The following ZDHHC14 variants were observed in gnomAD, a reference collection of about 807,000 sequenced individuals.
ZDHHC14 encodes the protein zDHHC palmitoyltransferase 14.
Under a neutral mutation model 47.7 loss-of-function variants are expected in ZDHHC14, and 16 were observed. The ratio of observed to expected loss-of-function variants is 0.34; its 90% CI spans 0.23 to 0.51. The LOEUF (loss-of-function observed/expected upper bound fraction) is 0.51. ZDHHC14 is among the 20% of genes least tolerant of loss of function. The probability of loss-of-function intolerance (pLI) is 0.97; values close to 1 mark genes in which losing one functional copy is unlikely to be tolerated. For missense variants in ZDHHC14, 515 were observed against 662.5 expected, an observed-to-expected ratio of 0.78 and a Z score of 2.44; for synonymous variants, 293 against 278.9, an observed-to-expected ratio of 1.05 and a Z score of -0.50.
chr6:157,648,958 C>T (rs1045822249), intron 7 of ZDHHC14, among the ~76,000 whole-genome samples: 1 of 152,220 alleles, frequency 6.6e-6, no homozygotes, highest in African/African-American at 2.4e-5. Context: ...CCAAATCTCC[C>T]TTCTTGTTCC....
In ZDHHC14 at chr6:157,668,147, C is replaced by A. The variant is rs117852100; in HGVS notation, c.1069-4577C>A. On this transcript the variant is annotated intron_variant, in intron 8 of 8. Coordinates refer to ENST00000359775, the MANE Select transcript of ZDHHC14 (RefSeq NM_024630.3). Reference sequence around the variant, plus strand: ...TACTTAGGTGCCTGATGCCAGTGCCCCTGCCCCCTGCTGTCATCCCAGCAG... The same window carrying A: ...TACTTAGGTGCCTGATGCCAGTGCCACTGCCCCCTGCTGTCATCCCAGCAG... 3.4e-3 allele frequency among the ~76,000 whole-genome samples: 523 copies of A among 152,234 alleles called. 8 individuals are homozygous for A. Among genetic ancestry groups the A allele is most frequent in the East Asian group, 0.032 (167 of 5,176 alleles).
intron 1 of ZDHHC14, among the ~76,000 whole-genome samples, chr6:157,451,176 C>T (rs572757431): frequency 3.2e-4 from 49 of 151,952 alleles, no homozygotes; most frequent in African/African-American, 1.1e-3. Flanking sequence ...TGACCTTCTT[C>T]AGAGCTTACA....
chr6:157,624,257 C>A (rs1460261243), intron 3 of ZDHHC14, among the ~76,000 whole-genome samples: 1 of 152,240 alleles, frequency 6.6e-6, no homozygotes, highest in Non-Finnish European at 1.5e-5. Flanking sequence ...AGCTTCCGCT[C>A]CTCTGAGCGC....
intron 3 of ZDHHC14, among the ~76,000 whole-genome samples, chr6:157,601,499 A>T (rs1046158354): frequency 5.3e-5 from 8 of 152,208 alleles, no homozygotes; most frequent in African/African-American, 1.9e-4. Flanking sequence ...GTTACCTAAT[A>T]AATACATTAA....
chr6:157,460,625 T>G (rs1192507474), intron 1 of ZDHHC14, among the ~76,000 whole-genome samples: 1 of 152,178 alleles, frequency 6.6e-6, no homozygotes, highest in African/African-American at 2.4e-5. Flanking sequence ...ATTTCCCATA[T>G]GCCATGCAGG....
intron 3 of ZDHHC14, among the ~76,000 whole-genome samples, chr6:157,608,634 AGAGT>A (rs1784637606): frequency 6.6e-6 from 1 of 152,210 alleles, no homozygotes; most frequent in Non-Finnish European, 1.5e-5. Flanking sequence ...GACTCAGGTC[AGAGT>A]GAGTCAGTGT....
Position 157,673,131 on chromosome 6 carries a change from GC to G in ZDHHC14, c.*13del. ...AGCTCAGCTCCGTGTGACCCACATG[GC>G]CCCAGGCCGGGGGACACCAGAGGCT... is the stretch of plus-strand genomic sequence containing the variant. On this transcript the variant is annotated 3_prime_UTR_variant, in exon 9 of 9. Transcript: ENST00000359775. The surrounding 1 kb of genome is among the most constrained non-coding windows in gnomAD (Gnocchi z 5.4). The G allele has an allele frequency of 6.4e-7, 1 of 1,563,192 alleles. No individual in the cohort carries two copies. The highest frequency in any genetic ancestry group is 8.6e-7 in the Non-Finnish European group (1 of 1,164,002).
intron 5 of ZDHHC14, among the ~76,000 whole-genome samples, chr6:157,643,382 C>T (rs1031913175): frequency 4.6e-5 from 7 of 151,928 alleles, no homozygotes; most frequent in Non-Finnish European, 5.9e-5. Context: ...AAAAGCTGGC[C>T]GGGCATGGTG....
At chr6:157,542,984 G>A (rs1385317567) in intron 2 of ZDHHC14, among the ~76,000 whole-genome samples, 1 of 152,214 alleles carries the variant, frequency 6.6e-6, no homozygotes, top group Non-Finnish European at 1.5e-5. Context: ...CAAAGCATCA[G>A]TGTGAGCTGT....
At chr6:157,522,946 C>CTTTCTTTCT (rs1781001161) in intron 1 of ZDHHC14, among the ~76,000 whole-genome samples, 5 of 32,310 alleles carry the variant, frequency 1.5e-4, no homozygotes, top group African/African-American at 1.1e-3. Flanking sequence ...TCTTTCTTTC[C>CTTTCTTTCT]TTCCTTCCTT....
intron 1 of ZDHHC14, among the ~76,000 whole-genome samples, chr6:157,531,278 C>T (rs1422440733): frequency 1.4e-5 from 1 of 69,808 alleles, no homozygotes; most frequent in African/African-American, 7.7e-5. Context: ...ACTAAACAGC[C>T]TACAACGCCC....
At chr6:157,506,717 A>T (rs1204175144) in intron 1 of ZDHHC14, among the ~76,000 whole-genome samples, 2 of 152,242 alleles carry the variant, frequency 1.3e-5, no homozygotes, top group African/African-American at 4.8e-5. Context: ...TGCTGACGAC[A>T]GATATATTTT....
Position 157,588,738 on chromosome 6 carries a change from T to C in ZDHHC14, c.407-4250T>C, listed in dbSNP as rs138090495. On this transcript the variant is annotated intron_variant, in intron 2 of 8. Coordinates refer to ENST00000359775, the MANE Select transcript of ZDHHC14 (RefSeq NM_024630.3). ...CTCTTTATCATACAAGTGAGTGTATTTGAGTACATAATAAAGAGGCACATA... is the reference window on the plus strand; with the variant it reads ...CTCTTTATCATACAAGTGAGTGTATCTGAGTACATAATAAAGAGGCACATA... 2.0e-3 allele frequency among the ~76,000 whole-genome samples: 302 copies of C among 152,294 alleles called. 1 individual carries two copies. Among genetic ancestry groups the C allele is most frequent in the Admixed American group, 4.1e-3 (63 of 15,306 alleles).
At chr6:157,481,469 G>A (rs1226575155) in intron 1 of ZDHHC14, among the ~76,000 whole-genome samples, 2 of 152,126 alleles carry the variant, frequency 1.3e-5, no homozygotes, top group African/African-American at 4.8e-5. Context: ...TGCCTTGCTG[G>A]CCTGATCTCC....
chr6:157,582,504 G>A lies in ZDHHC14; in HGVS notation c.407-10484G>A, dbSNP rs758194829. ...CTCATTTATGAAGCTTAGTTTGGCC[G>A]GATATGAAATTCTTGGTTGGAAATT... On this transcript the variant is annotated intron_variant, in intron 2 of 8. Transcript: ENST00000359775. The surrounding 1 kb of genome is among the most constrained non-coding windows in gnomAD (Gnocchi z 4.3). Among the ~76,000 whole-genome samples, 7 of 152,044 alleles carry A rather than the reference G, an allele frequency of 4.6e-5. No individual in the cohort carries two copies. The highest frequency in any genetic ancestry group is 7.3e-5 in the African/African-American group (3 of 41,326).
intron 8 of ZDHHC14, among the ~76,000 whole-genome samples, chr6:157,658,062 T>C (rs899197881): frequency 1.3e-5 from 2 of 152,184 alleles, no homozygotes; most frequent in Admixed American, 6.5e-5. Flanking sequence ...AGAAGAAAAG[T>C]ACTATTTAAG....
Position 157,620,868 on chromosome 6 carries a change from A to G in ZDHHC14, c.566-7481A>G, listed in dbSNP as rs761209040. ...GGTGCAGATGAACGTGTGGGTTCCA[A>G]TGCTGACTCCTCCATCTGCACTTTT... On this transcript the variant is annotated intron_variant, in intron 3 of 8. Transcript: ENST00000359775. Among the ~76,000 whole-genome samples, 118 of 152,226 alleles carry G rather than the reference A, an allele frequency of 7.8e-4. 1 individual carries two copies. The highest frequency in any genetic ancestry group is 3.2e-3 in the Middle Eastern group (1 of 316).
intron 4 of ZDHHC14, 160 bp from the exon 5 acceptor site, chr6:157,632,674 G>A (rs1785796119): frequency 1.4e-6 from 1 of 714,494 alleles, no homozygotes; most frequent in African/African-American, 1.8e-5. Context: ...AAACTTTAGT[G>A]GCATCTCAAT....
intron 1 of ZDHHC14, among the ~76,000 whole-genome samples, chr6:157,438,009 GTTT>G (rs1316124331): frequency 6.6e-6 from 1 of 151,488 alleles, no homozygotes; most frequent in Non-Finnish European, 1.5e-5. Context: ...GAACTATCAT[GTTT>G]TTTTTATTGA....
Sources: gnomAD v4.1 joint callset for allele counts (sites outside exome capture counted in the v4.1 genomes callset) on GRCh38, gnomAD v4.1.1 for gene constraint, Gnocchi (gnomAD v3.1) non-coding constraint, MANE v1.5 for transcripts, NCBI Gene and HGNC (gene_info 2026-07-23, HGNC 2026-07-21) for gene names.